Variants in PCBP3 observed in about 807,000 individuals in gnomAD.
The protein encoded by PCBP3 is poly(rC)-binding protein 3.
PCBP3 carries 25 observed loss-of-function variants against 52.7 expected under a neutral mutation model. The observed-to-expected ratio is 0.47, with a 90% CI of 0.35 to 0.66. The LOEUF (loss-of-function observed/expected upper bound fraction) is 0.66. Ranked by LOEUF, PCBP3 falls within the 30% of genes least tolerant of loss-of-function variation. PCBP3 has a pLI of 0.01. For synonymous variants in PCBP3, 162 were observed against 183.0 expected (o/e 0.89, Z 0.93); for missense variants, 391 against 490.3 (o/e 0.80, Z 1.91).
intron 2 of PCBP3, among the ~76,000 whole-genome samples, chr21:45,716,253 T>C (rs1002129519): frequency 6.6e-6 from 1 of 152,194 alleles, no homozygotes; most frequent in Non-Finnish European, 1.5e-5. Flanking sequence ...TGAATTGTCT[T>C]GGCAGTCTTA....
At chr21:45,650,735 G>A (rs2079623529) in intron 1 of PCBP3, among the ~76,000 whole-genome samples, 1 of 152,166 alleles carries the variant, frequency 6.6e-6, no homozygotes, top group Admixed American at 6.5e-5. Flanking sequence ...GTTTTGGAAA[G>A]GGAGGAATTT....
At chr21:45,838,088 C>T (rs953761630) in intron 4 of PCBP3, among the ~76,000 whole-genome samples, 2 of 152,232 alleles carry the variant, frequency 1.3e-5, no homozygotes, top group Non-Finnish European at 2.9e-5. Flanking sequence ...GTTGTTCTCA[C>T]TGCGATGAGT....
chr21:45,672,260 C>G (rs145994765), intron 2 of PCBP3, among the ~76,000 whole-genome samples: 98 of 152,268 alleles, frequency 6.4e-4, no homozygotes, highest in African/African-American at 2.3e-3. Context: ...GATTCTCCTC[C>G]TTGACCTTAG....
intron 4 of PCBP3, chr21:45,828,036 A>G (rs1478577155): frequency 2.6e-5 from 4 of 152,328 alleles, no homozygotes; most frequent in African/African-American, 9.6e-5. Context: ...CTTCCCAAGC[A>G]ACTAGTGCAG....
intron 5 of PCBP3, among the ~76,000 whole-genome samples, chr21:45,856,381 C>T (rs555305046): frequency 6.6e-6 from 1 of 152,346 alleles, no homozygotes; most frequent in African/African-American, 2.4e-5. Context: ...ATCAGAACAT[C>T]TTTTAATTCA....
chr21:45,700,945 A>T (rs913747066), intron 2 of PCBP3, among the ~76,000 whole-genome samples: 1 of 152,182 alleles, frequency 6.6e-6, no homozygotes, highest in Non-Finnish European at 1.5e-5. Flanking sequence ...GCGAAAAATC[A>T]TCTGCAGTAT....
At position 45,853,079 on chromosome 21, in the gene PCBP3, C is replaced by T. The variant is rs534265277; in HGVS notation, c.10+2984C>T. The stretch of plus-strand genomic sequence containing the variant: ...TCGCACCAGGCATTGGGAGCAGATG[C>T]GGAAAGTGCACATGCCGCTGGCCAG... On this transcript the variant is annotated intron_variant, in intron 5 of 17. Transcript: ENST00000681687. The surrounding 1 kb of genome is among the most constrained non-coding windows in gnomAD (Gnocchi z 4.6). Among the ~76,000 whole-genome samples, 15 of 152,270 alleles carry T rather than the reference C, an allele frequency of 9.9e-5. No individual in the cohort carries two copies. In the South Asian group the frequency reaches 2.7e-3, roughly 27 times the overall value.
chr21:45,670,244 T>C (rs1466316816), intron 2 of PCBP3, among the ~76,000 whole-genome samples: 3 of 152,150 alleles, frequency 2.0e-5, no homozygotes, highest in Non-Finnish European at 2.9e-5. Context: ...TATTGCCCAG[T>C]AGTATGTGTT....
chr21:45,919,399 C>G (rs1250394992), intron 13 of PCBP3: 4 of 152,142 alleles, frequency 2.6e-5, no homozygotes, highest in African/African-American at 9.7e-5. Flanking sequence ...GGGGCAAGGA[C>G]GTCCATCTGA....
intron 4 of PCBP3, among the ~76,000 whole-genome samples, chr21:45,797,740 GATCC>G (rs1569235826): frequency 1.3e-3 from 20 of 15,710 alleles, no homozygotes; most frequent in South Asian, 4.2e-3. Context: ...CGAGTGCGTG[GATCC>G]ATAGAGAGAG....
At chr21:45,935,342 GAA>G in intron 16 of PCBP3, 37 bp downstream of exon 16, 2 of 1,500,936 alleles carry the variant, frequency 1.3e-6, no homozygotes, top group Non-Finnish European at 1.8e-6. Flanking sequence ...TCCCTGGGTA[GAA>G]ACACCAGGCA....
intron 2 of PCBP3, among the ~76,000 whole-genome samples, chr21:45,729,881 G>A (rs560985566): frequency 1.3e-5 from 2 of 152,136 alleles, no homozygotes; most frequent in African/African-American, 4.8e-5. Flanking sequence ...TGCCTCTCAA[G>A]TAGCTAGGAT....
At chr21:45,850,267 T>C (rs550704628) in intron 5 of PCBP3, among the ~76,000 whole-genome samples, 172 bp downstream of exon 5, 1 of 152,236 alleles carries the variant, frequency 6.6e-6, no homozygotes, top group African/African-American at 2.4e-5. Context: ...CTTTGGGAAA[T>C]TGGGGATCCC....
chr21:45,901,831 T>A (rs951035016), intron 9 of PCBP3, among the ~76,000 whole-genome samples: 4 of 152,128 alleles, frequency 2.6e-5, no homozygotes, highest in Admixed American at 6.5e-5. Context: ...TTTAATGTCT[T>A]TATGTGTTTC....
intron 4 of PCBP3, among the ~76,000 whole-genome samples, chr21:45,784,558 C>G (rs1267270615): frequency 6.6e-6 from 1 of 152,210 alleles, no homozygotes; most frequent in Non-Finnish European, 1.5e-5. Context: ...TGCAACCTCC[C>G]TGCCTGATTC....
At chr21:45,727,027 GT>G (rs2085098388) in intron 2 of PCBP3, among the ~76,000 whole-genome samples, 1 of 152,064 alleles carries the variant, frequency 6.6e-6, no homozygotes. Context: ...TTAAAATTTG[GT>G]AACCTCCAAC....
At chr21:45,811,290 C>T (rs2092681260) in intron 4 of PCBP3, among the ~76,000 whole-genome samples, 1 of 152,176 alleles carries the variant, frequency 6.6e-6, no homozygotes, top group African/African-American at 2.4e-5. Flanking sequence ...GGGCTCTCCG[C>T]AGCAGTGCTG....
At chr21:45,686,311 C>T (rs2082150937) in intron 2 of PCBP3, among the ~76,000 whole-genome samples, 2 of 152,096 alleles carry the variant, frequency 1.3e-5, no homozygotes, top group Non-Finnish European at 2.9e-5. Context: ...ACCACCAAGG[C>T]AATCAGTAGA....
intron 3 of PCBP3, among the ~76,000 whole-genome samples, chr21:45,748,517 G>A (rs1298998423): frequency 2.6e-5 from 4 of 152,238 alleles, no homozygotes; most frequent in Non-Finnish European, 5.9e-5. Flanking sequence ...CAGGCTGACA[G>A]CCCTGCAGCT....
Sources: allele counts gnomAD v4.1 joint callset (sites outside exome capture counted in the v4.1 genomes callset), GRCh38; gene constraint gnomAD v4.1.1; non-coding constraint Gnocchi (gnomAD v3.1); transcripts MANE v1.5; gene names NCBI Gene and HGNC (gene_info 2026-07-23, HGNC 2026-07-21).